BMP2K: variants seen among roughly 807,000 people sequenced by gnomAD.
BMP2K encodes the protein BMP-2-inducible protein kinase.
In BMP2K, 74 loss-of-function variants were observed where a neutral mutation model predicts 116.0. The observed-to-expected ratio is 0.64, with a 90% confidence interval of 0.53 to 0.77. The LOEUF (loss-of-function observed/expected upper bound fraction) is 0.77. Among genes scored for constraint, BMP2K ranks in the 30% least tolerant of loss-of-function variants. The pLI, the probability that BMP2K is intolerant of heterozygous loss-of-function variation, is 0.00. For missense variants in BMP2K, 1,365 were observed against 1,403.6 expected, an observed-to-expected ratio of 0.97 and a Z score of 0.44; for synonymous variants, 486 against 502.5, an observed-to-expected ratio of 0.97 and a Z score of 0.44.
chr4:78,776,686 G>A lies in BMP2K; in HGVS notation c.143G>A (p.Arg48His). The A allele has an allele frequency of 8.0e-7, 1 of 1,252,400 alleles. No homozygotes were observed. The allele number at this position is 1,252,400 out of a possible 1,614,324, so 77.6% of individuals were successfully genotyped here. A position where few individuals can be genotyped will look rare whatever the true frequency, so the allele number is the denominator to read the frequency against. Residue 48 changes from arginine (R) to histidine (H), a missense_variant, in exon 1 of 16, where the codon CGC becomes CAC. Transcript: ENST00000502613. Reference protein sequence around the residue: ...SVGVRVFAVGRHQVTLEESLA... With the variant: ...SVGVRVFAVGHHQVTLEESLA... ...GGGGTCCGGGTGTTCGCGGTCGGCC[G>A]CCACCAGGTCACCCTGGAAGAGTCG... is the stretch of plus-strand genomic sequence containing the variant.
chr4:78,903,960 T>C (rs1354899798), intron 15 of BMP2K, among the ~76,000 whole-genome samples: 1 of 151,978 alleles, frequency 6.6e-6, no homozygotes, highest in Non-Finnish European at 1.5e-5. Context: ...GGCTTTGATA[T>C]ATAGTCTTAA....
chr4:78,838,066 TG>T (rs767980725), intron 3 of BMP2K, among the ~76,000 whole-genome samples: 3 of 152,228 alleles, frequency 2.0e-5, no homozygotes, highest in Non-Finnish European at 4.4e-5. Context: ...TACAGTTCCA[TG>T]TGGCTGGGGA....
chr4:78,776,426 G>A lies in BMP2K; in HGVS notation c.-118G>A. ...GGAGCGCGGAATGTGAGGCTTGGCGGGCCGCAGCACGCTCGGACGGGCCAG... is the reference window on the plus strand; with the variant it reads ...GGAGCGCGGAATGTGAGGCTTGGCGAGCCGCAGCACGCTCGGACGGGCCAG... On this transcript the variant is annotated 5_prime_UTR_variant, in exon 1 of 16. Transcript: ENST00000502613. 1 of 1,002,692 alleles carries A rather than the reference G, an allele frequency of 1.0e-6. No homozygotes were observed. Among genetic ancestry groups the A allele is most frequent in the Non-Finnish European group, 1.2e-6 (1 of 820,816 alleles). The allele number at this position is 1,002,692 out of a possible 1,614,324, so 62.1% of individuals were successfully genotyped here. A position where few individuals can be genotyped will look rare whatever the true frequency, so the allele number is the denominator to read the frequency against.
At chr4:78,858,850 A>G (rs1335686082) in intron 7 of BMP2K, among the ~76,000 whole-genome samples, 1 of 151,938 alleles carries the variant, frequency 6.6e-6, no homozygotes, top group Non-Finnish European at 1.5e-5. Context: ...AATTGAGTAT[A>G]AATGTCAACC....
At chr4:78,793,844 A>G (rs1560502029) in intron 1 of BMP2K, among the ~76,000 whole-genome samples, 1 of 152,136 alleles carries the variant, frequency 6.6e-6, no homozygotes, top group East Asian at 1.9e-4. Flanking sequence ...TCAAAAATGT[A>G]TTATTAAAAC....
intron 8 of BMP2K, chr4:78,860,228 G>A (rs930220935): frequency 3.0e-6 from 1 of 338,534 alleles, no homozygotes; most frequent in Non-Finnish European, 5.8e-6. Flanking sequence ...TACCTAATGG[G>A]TACAATATAC....
intron 14 of BMP2K, among the ~76,000 whole-genome samples, chr4:78,885,650 T>C (rs1733040944): frequency 6.6e-6 from 1 of 152,216 alleles, no homozygotes; most frequent in Non-Finnish European, 1.5e-5. Context: ...TACCATGGAA[T>C]TCTTGGAATA....
intron 1 of BMP2K, among the ~76,000 whole-genome samples, chr4:78,788,155 T>C (rs1370585763): frequency 6.6e-6 from 1 of 151,968 alleles, no homozygotes. Flanking sequence ...CATCACAGAC[T>C]CTCTTCCGTT....
At chr4:78,788,766 A>G (rs1212491853) in intron 1 of BMP2K, among the ~76,000 whole-genome samples, 2 of 151,610 alleles carry the variant, frequency 1.3e-5, no homozygotes, top group African/African-American at 4.8e-5. Flanking sequence ...TTGGAAGTGC[A>G]TTTGTAAGGG....
In BMP2K at chr4:78,915,825, T is replaced by TTATACTGC. The variant is rs1166647370; in HGVS notation, c.*3795_*3802dup. 1 of 151,962 alleles carries TTATACTGC rather than the reference T, an allele frequency of 6.6e-6. No individual in the cohort carries two copies. The highest frequency in any genetic ancestry group is 2.4e-5 in the African/African-American group (1 of 41,426). 9.4% of individuals were successfully genotyped at this position (151,962 alleles called of 1,614,324 possible). A position where few individuals can be genotyped will look rare whatever the true frequency, so the allele number is the denominator to read the frequency against. The stretch of plus-strand genomic sequence containing the variant: ...GGTTATTTTTGTTTTATTTTAAAAT[T>TTATACTGC]TATACTGCTACTTTTGAAAGAATTG... On this transcript the variant is annotated 3_prime_UTR_variant, in exon 16 of 16. Transcript: ENST00000502613.
chr4:78,854,383 C>T (rs1182620822), intron 7 of BMP2K, among the ~76,000 whole-genome samples: 1 of 151,982 alleles, frequency 6.6e-6, no homozygotes, highest in Non-Finnish European at 1.5e-5. Context: ...AAGAGATTCT[C>T]CTGCCACAGC....
intron 7 of BMP2K, among the ~76,000 whole-genome samples, chr4:78,856,528 T>A (rs1009467286): frequency 3.3e-5 from 5 of 152,284 alleles, no homozygotes; most frequent in African/African-American, 7.2e-5. Context: ...TCCTTTTTTT[T>A]AAATTGCTGA....
chr4:78,846,998 A>G (rs1400076888), intron 5 of BMP2K, among the ~76,000 whole-genome samples, 190 bp from the exon 6 acceptor site: 1 of 151,582 alleles, frequency 6.6e-6, no homozygotes, highest in Admixed American at 6.6e-5. Flanking sequence ...ATAAAAATGT[A>G]TATAGATGCT....
In BMP2K at chr4:78,825,455, A is replaced by T. The variant is rs549395024; in HGVS notation, c.179-582A>T. Among the ~76,000 whole-genome samples the T allele has an allele frequency of 1.2e-4, 18 of 152,298 alleles. No homozygotes were observed. In the South Asian group the frequency reaches 3.7e-3, roughly 32 times the overall value. The stretch of plus-strand genomic sequence containing the variant: ...GCAAAAGAGCAGGGCCTTCTCTACC[A>T]GTCTTTTATCTATGGAAAATCATTC... On this transcript the variant is annotated intron_variant, in intron 1 of 15. Transcript: ENST00000502613.
At chr4:78,811,515 GA>G (rs1729090868) in intron 1 of BMP2K, among the ~76,000 whole-genome samples, 1 of 152,104 alleles carries the variant, frequency 6.6e-6, no homozygotes, top group African/African-American at 2.4e-5. Flanking sequence ...AAGACCATGC[GA>G]TTACAAATGC....
chr4:78,869,417 T>G (rs1298370798), intron 10 of BMP2K, among the ~76,000 whole-genome samples: 2 of 152,062 alleles, frequency 1.3e-5, no homozygotes, highest in African/African-American at 2.4e-5. Context: ...GGATATAAAA[T>G]TTTAGCTAGA....
At chr4:78,886,948 T>G (rs193268322) in intron 14 of BMP2K, among the ~76,000 whole-genome samples, 109 of 152,306 alleles carry the variant, frequency 7.2e-4, no homozygotes, top group African/African-American at 2.1e-3. Flanking sequence ...TTGTATTTAG[T>G]GAAACCTATC....
intron 1 of BMP2K, among the ~76,000 whole-genome samples, chr4:78,778,568 G>C (rs1727355036): frequency 6.6e-6 from 1 of 152,198 alleles, no homozygotes; most frequent in African/African-American, 2.4e-5. Flanking sequence ...TCCTAGAAGG[G>C]AGGCCAAGGC....
At chr4:78,820,085 CTG>C (rs887636556) in intron 1 of BMP2K, among the ~76,000 whole-genome samples, 5 of 152,116 alleles carry the variant, frequency 3.3e-5, no homozygotes, top group South Asian at 2.1e-4. Context: ...ACTATAATAA[CTG>C]TGAAAATGGA....
Sources: gnomAD v4.1 joint callset for allele counts (sites outside exome capture counted in the v4.1 genomes callset) on GRCh38, gnomAD v4.1.1 for gene constraint, MANE v1.5 for transcripts, NCBI Gene and HGNC (gene_info 2026-07-23, HGNC 2026-07-21) for gene names.